PTPRD: variants seen among roughly 807,000 people sequenced by gnomAD.
The protein encoded by PTPRD is receptor-type tyrosine-protein phosphatase delta.
A neutral mutation model predicts 214.5 loss-of-function variants in PTPRD; 34 were observed. That is an observed-to-expected ratio of 0.16 (90% CI 0.12 to 0.21). The LOEUF (loss-of-function observed/expected upper bound fraction) is 0.21, where lower values mean the gene tolerates loss of function less well. Ranked by LOEUF, PTPRD falls within the 10% of genes least tolerant of loss-of-function variation. The probability of loss-of-function intolerance (pLI) is 1.00; values close to 1 mark genes in which losing one functional copy is unlikely to be tolerated. For synonymous variants in PTPRD, 1,128 were observed against 845.7 expected (o/e 1.33, Z -5.79); for missense variants, 2,545 against 2,398.7 (o/e 1.06, Z -1.27).
intron 11 of PTPRD, among the ~76,000 whole-genome samples, chr9:8,945,514 T>C (rs984347276): frequency 6.6e-6 from 1 of 152,044 alleles, no homozygotes; most frequent in Non-Finnish European, 1.5e-5. Context: ...CTCGCTAGAA[T>C]CCTCCTAAAG....
At chr9:10,518,265 T>C (rs1405473963) in intron 2 of PTPRD, among the ~76,000 whole-genome samples, 1 of 152,162 alleles carries the variant, frequency 6.6e-6, no homozygotes, top group African/African-American at 2.4e-5. Context: ...ACATAAATCA[T>C]GAAGAACATT....
intron 3 of PTPRD, among the ~76,000 whole-genome samples, chr9:10,186,853 C>G (rs916108576): frequency 6.6e-6 from 1 of 152,088 alleles, no homozygotes; most frequent in East Asian, 1.9e-4. Context: ...ATACTAGCAT[C>G]CATATTAAAT....
At chr9:9,639,572 A>T (rs1208785332) in intron 7 of PTPRD, among the ~76,000 whole-genome samples, 1 of 152,202 alleles carries the variant, frequency 6.6e-6, no homozygotes, top group Non-Finnish European at 1.5e-5. Context: ...GGTAGATAAC[A>T]GTTATATTGT....
chr9:8,934,356 C>T (rs1455764179), intron 11 of PTPRD, among the ~76,000 whole-genome samples: 1 of 142,276 alleles, frequency 7.0e-6, no homozygotes, highest in Non-Finnish European at 1.5e-5. Context: ...CATTCCCCTT[C>T]CCAGCTTTAT....
intron 4 of PTPRD, among the ~76,000 whole-genome samples, chr9:9,957,736 C>T (rs1408569879): frequency 2.6e-5 from 4 of 152,018 alleles, no homozygotes; most frequent in Non-Finnish European, 5.9e-5. Flanking sequence ...ATAGCTAACA[C>T]AATACTAAAG....
At chr9:9,550,594 G>C (rs1021338535) in intron 8 of PTPRD, among the ~76,000 whole-genome samples, 6 of 150,228 alleles carry the variant, frequency 4.0e-5, no homozygotes, top group African/African-American at 1.5e-4. Context: ...TATTGGTTCT[G>C]TTGCTCTGGA....
intron 2 of PTPRD, among the ~76,000 whole-genome samples, chr9:10,413,715 G>A (rs7032323): frequency 0.72 from 109,794 of 151,618 alleles, 40,446 homozygotes; most frequent in Non-Finnish European, 0.81. Context: ...ACTACACTAC[G>A]TGGCTACAGT....
At chr9:9,914,596 G>A (rs780387770) in intron 5 of PTPRD, among the ~76,000 whole-genome samples, 27 of 152,282 alleles carry the variant, frequency 1.8e-4, no homozygotes, top group East Asian at 1.2e-3. Flanking sequence ...GAGGGCCTGC[G>A]TTCCGAGTAC....
chr9:10,471,236 G>C (rs981875531), intron 2 of PTPRD, among the ~76,000 whole-genome samples: 2 of 151,962 alleles, frequency 1.3e-5, no homozygotes, highest in Non-Finnish European at 2.9e-5. Flanking sequence ...CATGGCATGT[G>C]TATACCTATG....
intron 7 of PTPRD, among the ~76,000 whole-genome samples, chr9:9,710,635 T>C (rs1395586162): frequency 6.6e-6 from 1 of 152,110 alleles, no homozygotes; most frequent in African/African-American, 2.4e-5. Flanking sequence ...ATTCATAAGA[T>C]AATTAGAAAA....
At chr9:8,977,243 T>C (rs1293022274) in intron 11 of PTPRD, among the ~76,000 whole-genome samples, 1 of 152,078 alleles carries the variant, frequency 6.6e-6, no homozygotes, top group African/African-American at 2.4e-5. Flanking sequence ...TTTAACCTTT[T>C]GCAAAATTTA....
chr9:10,154,515 C>T (rs558733110), intron 3 of PTPRD, among the ~76,000 whole-genome samples: 10 of 152,040 alleles, frequency 6.6e-5, no homozygotes, highest in Admixed American at 2.6e-4. Flanking sequence ...GCTTTTGATG[C>T]TTACTTCATG....
chr9:10,194,160 T>A (rs2099386473), intron 3 of PTPRD, among the ~76,000 whole-genome samples: 1 of 152,198 alleles, frequency 6.6e-6, no homozygotes, highest in East Asian at 1.9e-4. Context: ...AGCTTATCAT[T>A]GATGCCTCTT....
At chr9:10,351,639 G>C (rs1348143910) in intron 2 of PTPRD, among the ~76,000 whole-genome samples, 3 of 149,928 alleles carry the variant, frequency 2.0e-5, no homozygotes, top group African/African-American at 7.4e-5. Context: ...TCAGAGGTTA[G>C]TACCTCTCAT....
intron 4 of PTPRD, among the ~76,000 whole-genome samples, chr9:9,974,743 G>A (rs180761411): frequency 5.9e-4 from 90 of 152,188 alleles, no homozygotes; most frequent in African/African-American, 2.1e-3. Context: ...TTTGAGGATG[G>A]GGACTGGGTC....
chr9:8,392,465 G>A (rs1027320881), intron 36 of PTPRD, among the ~76,000 whole-genome samples: 3 of 152,042 alleles, frequency 2.0e-5, no homozygotes, highest in African/African-American at 4.8e-5. Context: ...AGTCAAGGCT[G>A]CAGTGAGCCA....
At chr9:8,540,534 GTTTA>G (rs1012029997) in intron 14 of PTPRD, among the ~76,000 whole-genome samples, 4 of 152,106 alleles carry the variant, frequency 2.6e-5, no homozygotes, top group Non-Finnish European at 5.9e-5. Context: ...CATAATGCAC[GTTTA>G]TTATTTTTAT....
At chr9:9,458,387 T>C (rs1198030065) in intron 8 of PTPRD, among the ~76,000 whole-genome samples, 1 of 152,062 alleles carries the variant, frequency 6.6e-6, no homozygotes, top group Non-Finnish European at 1.5e-5. Flanking sequence ...TTACTAACAT[T>C]GTATGGTTTT....
chr9:8,493,255 G>C (rs777559858), intron 26 of PTPRD, among the ~76,000 whole-genome samples: 1 of 152,114 alleles, frequency 6.6e-6, no homozygotes, highest in Non-Finnish European at 1.5e-5. Flanking sequence ...ACTTAAACTT[G>C]CATGTCCTTA....
Sources: allele counts gnomAD v4.1 joint callset (sites outside exome capture counted in the v4.1 genomes callset), GRCh38; gene constraint gnomAD v4.1.1; transcripts MANE v1.5; gene names NCBI Gene and HGNC (gene_info 2026-07-23, HGNC 2026-07-21).